The following GEMIN8 variants were observed in gnomAD, a reference collection of about 807,000 sequenced individuals.
GEMIN8 encodes the protein gem-associated protein 8.
For synonymous variants in GEMIN8, 80 were observed against 78.5 expected (o/e 1.02, Z -0.10); for missense variants, 185 against 205.9 (o/e 0.90, Z 0.62).
intron 4 of GEMIN8, among the ~76,000 whole-genome samples, chrX:14,011,984 T>G (rs1399954693): frequency 8.9e-6 from 1 of 111,772 alleles, no homozygotes; most frequent in African/African-American, 3.3e-5. Context: ...TTTTCCAACT[T>G]TGTACTCAGC....
At chrX:14,011,516 CTTT>C (rs575651297) in intron 4 of GEMIN8, among the ~76,000 whole-genome samples, 176 of 60,334 alleles carry the variant, frequency 2.9e-3, no homozygotes, top group South Asian at 5.1e-3. Flanking sequence ...CTATGGCTCT[CTTT>C]TTTTTTTTTT....
intron 4 of GEMIN8, chrX:14,013,970 A>G (rs952377062): frequency 4.8e-5 from 34 of 705,751 alleles, no homozygotes; most frequent in Non-Finnish European, 5.5e-5. Flanking sequence ...TTTCACATCA[A>G]TCTATTTGTC....
chrX:14,029,225 C>T (rs1225208576), intron 1 of GEMIN8, among the ~76,000 whole-genome samples: 1 of 112,031 alleles, frequency 8.9e-6, no homozygotes, highest in African/African-American at 3.2e-5. Flanking sequence ...ATAACTCCCA[C>T]CAAAAGCTGA....
At chrX:14,017,729 G>T (rs1434104281) in intron 4 of GEMIN8, among the ~76,000 whole-genome samples, 1 of 112,178 alleles carries the variant, frequency 8.9e-6, no homozygotes, top group Non-Finnish European at 1.9e-5. Context: ...CTGCATGTGT[G>T]TCTGTCTCTG....
chrX:13,984,833 T>C, the GEMIN8 span, among the ~76,000 whole-genome samples: 7 of 111,828 alleles, frequency 6.3e-5, no homozygotes, highest in African/African-American at 1.6e-4. Context: ...GGAAACAGTA[T>C]AGAACATGCA....
Position 14,020,252 on chromosome X carries a change from G to A in GEMIN8, c.298C>T (p.Pro100Ser), listed in dbSNP as rs1349586124. 8.3e-7 allele frequency: 1 copy of A among 1,211,370 alleles called. No individual in the cohort carries two copies. The highest frequency in any genetic ancestry group is 2.2e-5 in the Admixed American group (1 of 46,018). ...GCCTGGATCCTACTGCTGTAACGTG[G>A]ATGCTGCCCAGATCTTCTGAAATGT... ...SSHFRRSGQH[P>S]RYSSRIQAST... Residue 100 changes from proline to serine, a missense_variant, in exon 4 of 5, where the codon CCA becomes TCA. Physicochemically the swap from Pro to Ser is moderately conservative, Grantham distance 74 (BLOSUM62 -1). Coordinates refer to ENST00000680255, the MANE Select transcript of GEMIN8 (RefSeq NM_001042479.2).
At chrX:13,991,216 CTGTT>C in the GEMIN8 span, among the ~76,000 whole-genome samples, 1 of 112,334 alleles carries the variant, frequency 8.9e-6, no homozygotes, top group Admixed American at 9.5e-5. Flanking sequence ...AAAAGGCAAG[CTGTT>C]TGTTGAGATT....
chrX:14,019,405 C>A (rs745819695), intron 4 of GEMIN8, among the ~76,000 whole-genome samples: 2 of 111,922 alleles, frequency 1.8e-5, no homozygotes, highest in Non-Finnish European at 3.8e-5. Context: ...AGACCTTTAT[C>A]ATAATTCTCT....
rs980337676 is a variant in GEMIN8, at chrX:14,025,988, G to A, written c.-34+152C>T. 3 of 650,816 alleles carry A rather than the reference G, an allele frequency of 4.6e-6. No homozygotes were observed. The African/African-American group carries it at 7.3e-5, about 16-fold the overall frequency. 53.6% of individuals were successfully genotyped at this position (650,816 alleles called of 1,213,427 possible). A position where few individuals can be genotyped will look rare whatever the true frequency, so the allele number is the denominator to read the frequency against. On this transcript the variant is annotated intron_variant, in intron 2 of 4. Coordinates refer to ENST00000680255, the MANE Select transcript of GEMIN8 (RefSeq NM_001042479.2). ...TTAAGGAGCTAATAAGAATGCCTGG[G>A]TTTCTGAAAAGCCAACATCTAAATA...
rs1295902916 is a variant in GEMIN8, at chrX:14,008,092, G to A, written c.*821C>T. 9.1e-6 allele frequency among the ~76,000 whole-genome samples: 1 copy of A among 110,340 alleles called. No homozygotes were observed. Among genetic ancestry groups the A allele is most frequent in the Non-Finnish European group, 1.9e-5 (1 of 52,819 alleles). The stretch of plus-strand genomic sequence containing the variant: ...CCTCCTGGGTTCAAGCAATTCCCCT[G>A]CCTCAGTCTCCCACGTAGCTGGGAT... On this transcript the variant is annotated 3_prime_UTR_variant, in exon 5 of 5. Coordinates refer to ENST00000680255, the MANE Select transcript of GEMIN8 (RefSeq NM_001042479.2).
the GEMIN8 span, among the ~76,000 whole-genome samples, chrX:13,993,340 G>A: frequency 9.0e-6 from 1 of 110,892 alleles, no homozygotes; most frequent in Non-Finnish European, 1.9e-5. Context: ...AGGATATAGG[G>A]GGTGTTGAGC....
the GEMIN8 span, among the ~76,000 whole-genome samples, chrX:13,986,630 G>C: frequency 1.8e-5 from 2 of 112,462 alleles, no homozygotes; most frequent in African/African-American, 6.5e-5. Flanking sequence ...GTCTTTTAAA[G>C]GAGGTGCCTG....
At chrX:14,010,007 T>C (rs1481002564) in intron 4 of GEMIN8, among the ~76,000 whole-genome samples, 1 of 111,633 alleles carries the variant, frequency 9.0e-6, no homozygotes. Context: ...GGAAGAAGGG[T>C]GAGGAAAGGG....
At chrX:14,010,505 T>C (rs1472177350) in intron 4 of GEMIN8, among the ~76,000 whole-genome samples, 1 of 112,028 alleles carries the variant, frequency 8.9e-6, no homozygotes, top group Non-Finnish European at 1.9e-5. Context: ...CCATTGTTGG[T>C]CCTCCCTGTA....
At chrX:14,014,278 T>C in intron 4 of GEMIN8, 1 of 753,986 alleles carries the variant, frequency 1.3e-6, no homozygotes. Context: ...AAACTTGATG[T>C]ATGCCATGAA....
chrX:14,019,098 C>A (rs891306410), intron 4 of GEMIN8, among the ~76,000 whole-genome samples: 1 of 112,183 alleles, frequency 8.9e-6, no homozygotes, highest in African/African-American at 3.2e-5. Context: ...AAAGCTAATT[C>A]ATCATTAGGA....
chrX:14,003,469 AG>A (rs1923039706), downstream of GEMIN8, among the ~76,000 whole-genome samples: 2 of 112,778 alleles, frequency 1.8e-5, no homozygotes, highest in African/African-American at 3.2e-5. Flanking sequence ...GAAAACTGGA[AG>A]GGTTTTTCTT....
chrX:13,994,353 A>G, the GEMIN8 span, among the ~76,000 whole-genome samples: 2 of 111,133 alleles, frequency 1.8e-5, no homozygotes, highest in Non-Finnish European at 3.8e-5. Context: ...CTGAGCCCAG[A>G]CTCAACTCCC....
chrX:14,010,387 A>G (rs1377135255), intron 4 of GEMIN8, among the ~76,000 whole-genome samples: 1 of 112,102 alleles, frequency 8.9e-6, no homozygotes, highest in Admixed American at 9.5e-5. Flanking sequence ...AGAGAAATTG[A>G]CAGCAGGGAA....
Sources: allele counts gnomAD v4.1 joint callset (sites outside exome capture counted in the v4.1 genomes callset), GRCh38; gene constraint gnomAD v4.1.1; transcripts MANE v1.5; gene names NCBI Gene and HGNC (gene_info 2026-07-23, HGNC 2026-07-21).